CDH8: variants seen among roughly 807,000 people sequenced by gnomAD.
The protein encoded by CDH8 is cadherin 8.
CDH8 carries 17 observed loss-of-function variants against 68.1 expected under a neutral mutation model. The ratio of observed to expected loss-of-function variants is 0.25; its 90% confidence interval spans 0.17 to 0.37. The LOEUF is 0.37. Among genes scored for constraint, CDH8 ranks in the 10% least tolerant of loss-of-function variants. CDH8 has a pLI of 1.00. For synonymous variants in CDH8, 372 were observed against 365.1 expected (o/e 1.02, Z -0.21); for missense variants, 763 against 999.3 (o/e 0.76, Z 3.19).
At chr16:61,916,475 C>G (rs1210614339) in intron 2 of CDH8, among the ~76,000 whole-genome samples, 1 of 152,074 alleles carries the variant, frequency 6.6e-6, no homozygotes, top group African/African-American at 2.4e-5. Context: ...AGATCATGCA[C>G]CTGCACTCCA....
At chr16:61,886,264 G>GTGA (rs1471738816) in intron 3 of CDH8, among the ~76,000 whole-genome samples, 3 of 152,104 alleles carry the variant, frequency 2.0e-5, no homozygotes, top group Non-Finnish European at 4.4e-5. Flanking sequence ...AGACACAAGA[G>GTGA]TGATAGTCTA....
At chr16:61,739,734 AAAAAGAAAAG>A (rs529131501) in intron 8 of CDH8, among the ~76,000 whole-genome samples, 23 of 142,058 alleles carry the variant, frequency 1.6e-4, no homozygotes, top group African/African-American at 4.9e-4. Context: ...CCTCAAAAAA[AAAAAGAAAAG>A]AAAAGAAAAG....
intron 7 of CDH8, among the ~76,000 whole-genome samples, chr16:61,790,413 T>C (rs569427751): frequency 3.3e-5 from 5 of 152,184 alleles, no homozygotes; most frequent in South Asian, 2.1e-4. Flanking sequence ...AGGTGGACTA[T>C]TGGCCCGTAA....
At chr16:61,851,273 T>C (rs779793101) in intron 4 of CDH8, among the ~76,000 whole-genome samples, 11 of 152,138 alleles carry the variant, frequency 7.2e-5, no homozygotes, top group Admixed American at 2.6e-4. Context: ...GAATATTTTT[T>C]ACTTAGCTCA....
intron 10 of CDH8, among the ~76,000 whole-genome samples, chr16:61,677,453 A>G (rs2142791890): frequency 6.6e-6 from 1 of 151,856 alleles, no homozygotes; most frequent in Middle Eastern, 3.4e-3. Flanking sequence ...TCCCCAACTC[A>G]GATTTCTGCC....
chr16:62,001,066 A>G (rs916383910), intron 2 of CDH8, among the ~76,000 whole-genome samples: 3 of 152,178 alleles, frequency 2.0e-5, no homozygotes, highest in Non-Finnish European at 2.9e-5. Context: ...GAGGCTAGAA[A>G]ATATTTGGGA....
At position 61,653,824 on chromosome 16, in the gene CDH8, C is replaced by T. The variant is rs1376231729; in HGVS notation, c.2184G>A (p.Arg728=). ...TGGGATCATTATCTGCCTCATGCAG[C>T]CTTACATTTATAAATTCATCGACAT... ...GVDVDEFINV[R]LHEADNDPTA... The change falls in exon 12 of 12, where the codon AGG becomes AGA. Residue 728 remains arginine, a synonymous_variant. Transcript: ENST00000577390. The T allele has an allele frequency of 3.7e-6, 6 of 1,614,014 alleles. No homozygotes were observed. In the African/African-American group the frequency reaches 5.3e-5, roughly 14 times the overall value.
intron 3 of CDH8, among the ~76,000 whole-genome samples, chr16:61,875,521 T>C (rs1386781670): frequency 1.3e-5 from 2 of 152,186 alleles, no homozygotes; most frequent in Non-Finnish European, 2.9e-5. Flanking sequence ...AGAGGTATCA[T>C]CTATAACCTA....
In CDH8 at chr16:62,009,905, T is replaced by C. The variant is rs149173085; in HGVS notation, c.252+11247A>G. Among the ~76,000 whole-genome samples the C allele has an allele frequency of 2.0e-5, 3 of 152,354 alleles. No individual in the cohort carries two copies. In the East Asian group the frequency reaches 5.8e-4, roughly 29 times the overall value. Reference sequence around the variant, plus strand: ...TTACTCCTTCTCCATCATTTTTTCTTATTCATCAGCATGATCACTTTTAAT... The same window carrying C: ...TTACTCCTTCTCCATCATTTTTTCTCATTCATCAGCATGATCACTTTTAAT... On this transcript the variant is annotated intron_variant, in intron 2 of 11. Coordinates refer to ENST00000577390, the MANE Select transcript of CDH8 (RefSeq NM_001796.5).
intron 2 of CDH8, among the ~76,000 whole-genome samples, chr16:62,011,326 G>C (rs1424409699): frequency 6.6e-6 from 1 of 152,156 alleles, no homozygotes; most frequent in African/African-American, 2.4e-5. Flanking sequence ...AACTGAGCTG[G>C]TGGTAGGAGC....
chr16:61,666,206 G>GTGTGTGTATA (rs372906173), intron 10 of CDH8, among the ~76,000 whole-genome samples: 1 of 145,502 alleles, frequency 6.9e-6, no homozygotes, highest in African/African-American at 2.6e-5. Context: ...GTGTGTGTGT[G>GTGTGTGTATA]TATATATATA....
intron 8 of CDH8, among the ~76,000 whole-genome samples, chr16:61,732,736 T>G (rs1034017753): frequency 6.6e-6 from 1 of 151,872 alleles, no homozygotes; most frequent in Non-Finnish European, 1.5e-5. Flanking sequence ...AAAGACTGTA[T>G]AAATCCACAT....
intron 3 of CDH8, among the ~76,000 whole-genome samples, chr16:61,866,622 T>A (rs1037237830): frequency 1.3e-5 from 2 of 152,096 alleles, no homozygotes; most frequent in South Asian, 4.1e-4. Flanking sequence ...ATCAGATGTT[T>A]CTGTTGACTT....
rs982546948 is a variant in CDH8, at chr16:61,652,918, G to C, written c.*690C>G. 21 of 1,526,996 alleles carry C rather than the reference G, an allele frequency of 1.4e-5. No individual in the cohort carries two copies. Among genetic ancestry groups the C allele is most frequent in the African/African-American group, 4.1e-5 (3 of 72,862 alleles). The allele number at this position is 1,526,996 out of a possible 1,614,324, so 94.6% of individuals were successfully genotyped here. A position where few individuals can be genotyped will look rare whatever the true frequency, so the allele number is the denominator to read the frequency against. ...CTGCTTCTAGAAAACAAGCATGTTT[G>C]AATGGGATTTCTCTCCTCCCACCAC... On this transcript the variant is annotated 3_prime_UTR_variant, in exon 12 of 12. Coordinates refer to ENST00000577390, the MANE Select transcript of CDH8 (RefSeq NM_001796.5).
chr16:61,801,607 G>C (rs1292641157), intron 7 of CDH8, among the ~76,000 whole-genome samples: 1 of 152,142 alleles, frequency 6.6e-6, no homozygotes, highest in African/African-American at 2.4e-5. Context: ...CAGTGGGTGC[G>C]TGCACCATGC....
chr16:61,965,839 T>C (rs1431492134), intron 2 of CDH8, among the ~76,000 whole-genome samples: 1 of 152,212 alleles, frequency 6.6e-6, no homozygotes, highest in Non-Finnish European at 1.5e-5. Flanking sequence ...CCATAACATA[T>C]GTTAATTCCT....
At position 61,945,051 on chromosome 16, in the gene CDH8, A is replaced by G. The variant is rs979578983; in HGVS notation, c.253-43578T>C. Among the ~76,000 whole-genome samples, 4 of 152,156 alleles carry G rather than the reference A, an allele frequency of 2.6e-5. No individual in the cohort carries two copies. The South Asian group carries it at 8.3e-4, about 31-fold the overall frequency. ...GGAAGATCCAGTATTGTTGCCCATTATAGTCAGGGCCTTACCATCAGCACT... is the reference window on the plus strand; with the variant it reads ...GGAAGATCCAGTATTGTTGCCCATTGTAGTCAGGGCCTTACCATCAGCACT... On this transcript the variant is annotated intron_variant, in intron 2 of 11. Transcript: ENST00000577390.
At position 61,779,137 on chromosome 16, in the gene CDH8, T is replaced by G. The variant is rs111607234; in HGVS notation, c.1414+10209A>C. On this transcript the variant is annotated intron_variant, in intron 8 of 11. Coordinates refer to ENST00000577390, the MANE Select transcript of CDH8 (RefSeq NM_001796.5). ...AGTCATGTACTTTCTACAAATGCCATGCCAATTGTCTGCTCCCAGGTACAG... is the reference window on the plus strand; with the variant it reads ...AGTCATGTACTTTCTACAAATGCCAGGCCAATTGTCTGCTCCCAGGTACAG... Among the ~76,000 whole-genome samples, 346 of 152,264 alleles carry G rather than the reference T, an allele frequency of 2.3e-3. 2 individuals are homozygous for G. Among genetic ancestry groups the G allele is most frequent in the Non-Finnish European group, 3.3e-3 (226 of 68,018 alleles).
intron 10 of CDH8, among the ~76,000 whole-genome samples, chr16:61,661,067 G>C (rs920394442): frequency 6.6e-6 from 1 of 151,818 alleles, no homozygotes; most frequent in Non-Finnish European, 1.5e-5. Context: ...TGTCTTAACT[G>C]TTTTACAAAG....
Sources: gnomAD v4.1 joint callset for allele counts (sites outside exome capture counted in the v4.1 genomes callset) on GRCh38, gnomAD v4.1.1 for gene constraint, MANE v1.5 for transcripts, NCBI Gene and HGNC (gene_info 2026-07-23, HGNC 2026-07-21) for gene names.